The following PIEZO2 variants were observed in gnomAD, a reference collection of about 807,000 sequenced individuals.
PIEZO2 encodes the protein piezo type mechanosensitive ion channel component 2, also known as piezo-type mechanosensitive ion channel component 2.
PIEZO2 carries 172 observed loss-of-function variants against 337.3 expected under a neutral mutation model. The observed-to-expected ratio is 0.51, with a 90% CI of 0.45 to 0.58. PIEZO2 has a LOEUF of 0.58. PIEZO2 is among the 20% of genes least tolerant of loss of function. PIEZO2 has a pLI of 0.00. For synonymous variants in PIEZO2, 1,251 were observed against 1,228.5 expected, an observed-to-expected ratio of 1.02 and a Z score of -0.38; for missense variants, 3,028 against 3,391.3, an observed-to-expected ratio of 0.89 and a Z score of 2.66.
At chr18:11,052,820 T>C (rs2145857643) in intron 2 of PIEZO2, among the ~76,000 whole-genome samples, 1 of 152,380 alleles carries the variant, frequency 6.6e-6, no homozygotes, top group South Asian at 2.1e-4. Context: ...TATGTGATGA[T>C]CTATCTGCAC....
At position 10,835,180 on chromosome 18, in the gene PIEZO2, T is replaced by A. The variant is rs147351864; in HGVS notation, c.917+20173A>T. Among the ~76,000 whole-genome samples the A allele has an allele frequency of 8.9e-4, 135 of 152,256 alleles. 1 individual carries two copies. The East Asian group carries it at 0.026, about 29-fold the overall frequency. On this transcript the variant is annotated intron_variant, in intron 7 of 55. Transcript: ENST00000674853. ...AGCCTCCAGAATTATGAGAAATAAATGTTTGTTGTTTAAGCCCCCAACCTA... is the reference window on the plus strand; with the variant it reads ...AGCCTCCAGAATTATGAGAAATAAAAGTTTGTTGTTTAAGCCCCCAACCTA...
intron 18 of PIEZO2, among the ~76,000 whole-genome samples, chr18:10,774,933 G>A (rs2038733968): frequency 6.6e-6 from 1 of 152,152 alleles, no homozygotes; most frequent in African/African-American, 2.4e-5. Flanking sequence ...TACCAAATGA[G>A]GAAGTTTGAT....
intron 13 of PIEZO2, among the ~76,000 whole-genome samples, chr18:10,793,232 C>T (rs2039469361): frequency 2.6e-5 from 4 of 151,562 alleles, no homozygotes; most frequent in Admixed American, 2.0e-4. Context: ...GCCCTCCAGC[C>T]TGGGATACAG....
rs913360557 is a variant in PIEZO2 at position 11,146,559 on chromosome 18, G to A, written c.64+1966C>T. Among the ~76,000 whole-genome samples the A allele has an allele frequency of 1.3e-5, 2 of 152,232 alleles. No homozygotes were observed. The highest frequency in any genetic ancestry group is 4.8e-5 in the African/African-American group (2 of 41,470). ...GAGGGCAGAGTACTACAGCCCTACT[G>A]AAGGAGTTTTTAGCATAGGCCACCA... On this transcript the variant is annotated intron_variant, in intron 1 of 55. Transcript: ENST00000674853. This position sits in a 1 kb window ranked among gnomAD's most constrained non-coding sequence, Gnocchi z 6.1.
In PIEZO2 at chr18:11,002,600, GAA is replaced by G. The variant is rs778050198; in HGVS notation, c.161-22942_161-22941del. ...TTTCACCATTTCCAGAAGGAAATTG[GAA>G]AAAATATCAGAGCTCAATTTGTAAA... On this transcript the variant is annotated intron_variant, in intron 2 of 55. Coordinates refer to ENST00000674853, the MANE Select transcript of PIEZO2 (RefSeq NM_001378183.1). This position sits in a 1 kb window ranked among gnomAD's most constrained non-coding sequence, Gnocchi z 4.3. 4.1e-4 allele frequency among the ~76,000 whole-genome samples: 62 copies of G among 152,194 alleles called. 1 individual carries two copies. The highest frequency in any genetic ancestry group is 2.7e-3 in the South Asian group (13 of 4,820).
rs1425121919 is a variant in PIEZO2, at chr18:10,884,188, A to G, written c.330-12773T>C. 2.0e-5 allele frequency among the ~76,000 whole-genome samples: 3 copies of G among 152,322 alleles called. No homozygotes were observed. In the East Asian group the frequency reaches 5.8e-4, roughly 29 times the overall value. Reference sequence around the variant, plus strand: ...ATATTTGTCTTTCTACGCCTGGCTTATCTAATGTCCTCTAGATTAATCCAG... The same window carrying G: ...ATATTTGTCTTTCTACGCCTGGCTTGTCTAATGTCCTCTAGATTAATCCAG... On this transcript the variant is annotated intron_variant, in intron 4 of 55. Coordinates refer to ENST00000674853, the MANE Select transcript of PIEZO2 (RefSeq NM_001378183.1).
At chr18:10,912,721 C>A (rs1332249676) in intron 3 of PIEZO2, among the ~76,000 whole-genome samples, 1 of 152,200 alleles carries the variant, frequency 6.6e-6, no homozygotes, top group Non-Finnish European at 1.5e-5. Context: ...AGGGCCAATT[C>A]TCTGGACTTC....
intron 39 of PIEZO2, among the ~76,000 whole-genome samples, chr18:10,712,652 A>G (rs1478057233): frequency 6.6e-6 from 1 of 152,238 alleles, no homozygotes; most frequent in Non-Finnish European, 1.5e-5. Context: ...GGTAACACTC[A>G]CCAGTGGAAG....
In PIEZO2 at chr18:11,078,154, CACACAT is replaced by C. The variant is rs1453508660; in HGVS notation, c.65-11938_65-11933del. Among the ~76,000 whole-genome samples, 7 of 151,846 alleles carry C rather than the reference CACACAT, an allele frequency of 4.6e-5. No homozygotes were observed. Among genetic ancestry groups the C allele is most frequent in the South Asian group, 4.2e-4 (2 of 4,800 alleles). On this transcript the variant is annotated intron_variant, in intron 1 of 55. Coordinates refer to ENST00000674853, the MANE Select transcript of PIEZO2 (RefSeq NM_001378183.1). This position sits in a 1 kb window ranked among gnomAD's most constrained non-coding sequence, Gnocchi z 5.3. ...CACATACACACACACTCACCACACA[CACACAT>C]ACACACACCACACACACATACACAC...
chr18:11,024,302 C>G (rs1297099207), intron 2 of PIEZO2, among the ~76,000 whole-genome samples: 1 of 151,940 alleles, frequency 6.6e-6, no homozygotes, highest in Non-Finnish European at 1.5e-5. Context: ...TCCCAGCACT[C>G]TGGGAGGCCG....
At chr18:11,060,037 C>G (rs1190688072) in intron 2 of PIEZO2, among the ~76,000 whole-genome samples, 1 of 152,104 alleles carries the variant, frequency 6.6e-6, no homozygotes, top group African/African-American at 2.4e-5. Flanking sequence ...TGTAAAAGAA[C>G]AGAAATTATA....
intron 2 of PIEZO2, among the ~76,000 whole-genome samples, chr18:11,064,952 T>C (rs1368958661): frequency 1.3e-5 from 2 of 152,150 alleles, no homozygotes; most frequent in Non-Finnish European, 2.9e-5. Flanking sequence ...GAGGCTGTGG[T>C]GGGTGGGGTC....
intron 3 of PIEZO2, among the ~76,000 whole-genome samples, chr18:10,935,753 A>G (rs952419563): frequency 6.6e-6 from 1 of 152,092 alleles, no homozygotes; most frequent in Non-Finnish European, 1.5e-5. Context: ...AGCATGCCAC[A>G]TTGTTCACTC....
At chr18:10,960,841 C>T (rs922452787) in intron 3 of PIEZO2, among the ~76,000 whole-genome samples, 1 of 152,122 alleles carries the variant, frequency 6.6e-6, no homozygotes, top group Admixed American at 6.5e-5. Context: ...AGAGACTGGA[C>T]TGTGTCATCT....
At chr18:11,046,863 A>G (rs918995366) in intron 2 of PIEZO2, among the ~76,000 whole-genome samples, 1 of 152,208 alleles carries the variant, frequency 6.6e-6, no homozygotes, top group Non-Finnish European at 1.5e-5. Context: ...AGGAAGGTGG[A>G]AGAGGAAATG....
At chr18:10,685,986 C>G (rs142120348) in intron 49 of PIEZO2, among the ~76,000 whole-genome samples, 1 of 152,198 alleles carries the variant, frequency 6.6e-6, no homozygotes, top group Non-Finnish European at 1.5e-5. Flanking sequence ...ATCTCCAGAC[C>G]CCCATCAGAA....
chr18:11,020,111 C>A (rs1400237936), intron 2 of PIEZO2, among the ~76,000 whole-genome samples: 1 of 152,102 alleles, frequency 6.6e-6, no homozygotes, highest in Non-Finnish European at 1.5e-5. Flanking sequence ...AGTTTGGGAT[C>A]TGGGGAGCGA....
intron 7 of PIEZO2, among the ~76,000 whole-genome samples, chr18:10,844,071 G>C (rs1024528605): frequency 6.6e-6 from 1 of 152,202 alleles, no homozygotes; most frequent in Non-Finnish European, 1.5e-5. Flanking sequence ...AGGTCATAAG[G>C]GCACAGCCTT....
intron 2 of PIEZO2, among the ~76,000 whole-genome samples, chr18:11,017,511 T>C (rs1003075206): frequency 6.6e-6 from 1 of 151,248 alleles, no homozygotes; most frequent in Admixed American, 6.6e-5. Context: ...GTATGTATAA[T>C]ATAATTTCTA....
Sources: allele counts gnomAD v4.1 joint callset (sites outside exome capture counted in the v4.1 genomes callset), GRCh38; gene constraint gnomAD v4.1.1; non-coding constraint Gnocchi (gnomAD v3.1); transcripts MANE v1.5; gene names NCBI Gene and HGNC (gene_info 2026-07-23, HGNC 2026-07-21).